KCNMB2: variants seen among roughly 807,000 people sequenced by gnomAD.
KCNMB2 encodes the protein calcium-activated potassium channel subunit beta-2.
In KCNMB2, 9 loss-of-function variants were observed where a neutral mutation model predicts 24.5. The ratio of observed to expected loss-of-function variants is 0.37; its 90% confidence interval spans 0.22 to 0.64. The LOEUF is 0.64. Among genes scored for constraint, KCNMB2 ranks in the 30% least tolerant of loss-of-function variants. KCNMB2 has a pLI of 0.63. For missense variants in KCNMB2, 226 were observed against 284.3 expected (o/e 0.79, Z 1.47); for synonymous variants, 109 against 104.4 (o/e 1.04, Z -0.27).
chr3:178,740,010 T>G (rs2108376195), intron 1 of KCNMB2, among the ~76,000 whole-genome samples: 1 of 152,290 alleles, frequency 6.6e-6, no homozygotes, highest in African/African-American at 2.4e-5. Context: ...AATCTTCCTA[T>G]TTTTCAAGAA....
intron 1 of KCNMB2, among the ~76,000 whole-genome samples, chr3:178,562,893 A>T (rs573307603): frequency 6.6e-6 from 1 of 152,314 alleles, no homozygotes; most frequent in South Asian, 2.1e-4. Context: ...GAAGCTGGAG[A>T]GGGTGTGCCC....
chr3:178,823,692 G>A (rs1372302978), intron 2 of KCNMB2, among the ~76,000 whole-genome samples: 2 of 152,062 alleles, frequency 1.3e-5, no homozygotes, highest in Admixed American at 6.6e-5. Flanking sequence ...AACAGATACT[G>A]GCCATAAACA....
Position 178,662,784 on chromosome 3 carries a change from T to C in KCNMB2, c.-68+126073T>C, listed in dbSNP as rs148718843. On this transcript the variant is annotated intron_variant, in intron 1 of 4. Coordinates refer to ENST00000452583, the MANE Select transcript of KCNMB2 (RefSeq NM_181361.3). ...ATTATAACTAATATTTATTCATTAC[T>C]TATGCTAAGATCTCTAAATGGATTA... Among the ~76,000 whole-genome samples the C allele has an allele frequency of 2.5e-3, 383 of 152,256 alleles. 5 individuals are homozygous for C. Among genetic ancestry groups the C allele is most frequent in the African/African-American group, 8.7e-3 (361 of 41,556 alleles).
intron 1 of KCNMB2, among the ~76,000 whole-genome samples, chr3:178,790,428 GGC>G (rs1560022942): frequency 6.6e-6 from 1 of 152,104 alleles, no homozygotes; most frequent in Non-Finnish European, 1.5e-5. Context: ...GTACCAACTT[GGC>G]CACAGTAGGG....
chr3:178,667,186 C>T (rs1720748900), intron 1 of KCNMB2, among the ~76,000 whole-genome samples: 1 of 151,948 alleles, frequency 6.6e-6, no homozygotes, highest in South Asian at 2.1e-4. Context: ...TAGGATAGGC[C>T]TATTCCAATC....
intron 1 of KCNMB2, among the ~76,000 whole-genome samples, chr3:178,603,342 T>G (rs1022241563): frequency 3.9e-5 from 6 of 152,042 alleles, no homozygotes; most frequent in African/African-American, 1.4e-4. Flanking sequence ...GAGACACAGG[T>G]CAGGGATCTG....
rs1159759295 is a variant in KCNMB2 at position 178,785,549 on chromosome 3, A to G, written c.-67-21794A>G. On this transcript the variant is annotated intron_variant, in intron 1 of 4. Transcript: ENST00000452583. ...CAAATTTTGCAAAATTTAAAAACCT[A>G]TGAAATGAATCTATAATATTAAAAA... is the stretch of plus-strand genomic sequence containing the variant. Among the ~76,000 whole-genome samples, 2 of 152,040 alleles carry G rather than the reference A, an allele frequency of 1.3e-5. 1 individual carries two copies. Among genetic ancestry groups the G allele is most frequent in the Non-Finnish European group, 2.9e-5 (2 of 67,936 alleles).
At chr3:178,731,334 T>C (rs369491677) in intron 1 of KCNMB2, among the ~76,000 whole-genome samples, 15 of 152,158 alleles carry the variant, frequency 9.9e-5, no homozygotes, top group African/African-American at 3.4e-4. Flanking sequence ...TGATAGAGTG[T>C]CACCATTTTC....
chr3:178,645,132 C>A (rs1474461651), intron 1 of KCNMB2, among the ~76,000 whole-genome samples: 2 of 148,418 alleles, frequency 1.3e-5, no homozygotes, highest in Non-Finnish European at 3.0e-5. Flanking sequence ...CTCACAACAA[C>A]CTCTGCCACC....
At chr3:178,649,564 T>C (rs1229829391) in intron 1 of KCNMB2, among the ~76,000 whole-genome samples, 1 of 152,148 alleles carries the variant, frequency 6.6e-6, no homozygotes, top group Non-Finnish European at 1.5e-5. Flanking sequence ...TATTAGTCTA[T>C]TCAGGGATTT....
chr3:178,614,301 G>A (rs7429293), intron 1 of KCNMB2, among the ~76,000 whole-genome samples: 1,956 of 56,986 alleles, frequency 0.034, 40 homozygotes, highest in African/African-American at 0.07. Flanking sequence ...ATATATGTAT[G>A]TATATATATG....
At chr3:178,757,641 T>C (rs1577155726) in intron 1 of KCNMB2, among the ~76,000 whole-genome samples, 1 of 51,270 alleles carries the variant, frequency 2.0e-5, no homozygotes, top group South Asian at 9.7e-4. Context: ...TATGTATATA[T>C]ATCCAAGAGG....
chr3:178,637,351 G>T (rs951095853), intron 1 of KCNMB2, among the ~76,000 whole-genome samples: 1 of 152,080 alleles, frequency 6.6e-6, no homozygotes, highest in Non-Finnish European at 1.5e-5. Context: ...TTTCTATGTG[G>T]CTTCACCAGC....
At position 178,759,374 on chromosome 3, in the gene KCNMB2, TATATATATATATATATCTCTCCAAGAGG is replaced by T. The variant is rs1711583924; in HGVS notation, c.-67-47952_-67-47925del. ...ATATATATATATATCTCCAAGAGGA[TATATATATATATATATCTCTCCAAGAGG>T]ATATATATATATATATATATCTCTC... On this transcript the variant is annotated intron_variant, in intron 1 of 4. Transcript: ENST00000452583. 4.6e-4 allele frequency among the ~76,000 whole-genome samples: 14 copies of T among 30,684 alleles called. 3 individuals carry two copies. The highest frequency in any genetic ancestry group is 1.7e-3 in the African/African-American group (4 of 2,322). The allele number at this position is 30,684 out of a possible 152,430, so 20.1% of individuals were successfully genotyped here. A position where few individuals can be genotyped will look rare whatever the true frequency, so the allele number is the denominator to read the frequency against.
At chr3:178,745,105 C>A (rs1331470116) in intron 1 of KCNMB2, among the ~76,000 whole-genome samples, 1 of 152,162 alleles carries the variant, frequency 6.6e-6, no homozygotes, top group African/African-American at 2.4e-5. Context: ...CACATAAACA[C>A]TTAGTATGAT....
chr3:178,552,731 A>C (rs1715997733), intron 1 of KCNMB2, among the ~76,000 whole-genome samples: 1 of 152,134 alleles, frequency 6.6e-6, no homozygotes, highest in African/African-American at 2.4e-5. Flanking sequence ...CTTTTCTCTA[A>C]ATTATAGGAA....
chr3:178,771,285 C>T (rs1407933442), intron 1 of KCNMB2, among the ~76,000 whole-genome samples: 4 of 152,004 alleles, frequency 2.6e-5, no homozygotes, highest in African/African-American at 9.6e-5. Context: ...CCAACCCTTG[C>T]TCACTGCAAG....
intron 1 of KCNMB2, among the ~76,000 whole-genome samples, chr3:178,653,999 G>A (rs78721996): frequency 0.016 from 2,505 of 152,126 alleles, 61 homozygotes; most frequent in African/African-American, 0.057. Flanking sequence ...GTTTGAGTCA[G>A]ATCATCTGTG....
At chr3:178,552,111 T>C (rs368383693) in intron 1 of KCNMB2, among the ~76,000 whole-genome samples, 1 of 152,190 alleles carries the variant, frequency 6.6e-6, no homozygotes, top group East Asian at 1.9e-4. Context: ...GATCAAAATC[T>C]ATCTTAGAAT....
Sources: gnomAD v4.1 joint callset for allele counts (sites outside exome capture counted in the v4.1 genomes callset) on GRCh38, gnomAD v4.1.1 for gene constraint, MANE v1.5 for transcripts, NCBI Gene and HGNC (gene_info 2026-07-23, HGNC 2026-07-21) for gene names.